ADGRV1: variants seen among roughly 807,000 people sequenced by gnomAD.
ADGRV1 encodes the protein G-protein coupled receptor 98.
A neutral mutation model predicts 596.2 loss-of-function variants in ADGRV1; 359 were observed. The ratio of observed to expected loss-of-function variants is 0.60; its 90% confidence interval spans 0.55 to 0.66. ADGRV1 has a LOEUF of 0.66. ADGRV1 is among the 30% of genes least tolerant of loss of function. The probability of loss-of-function intolerance (pLI) is 0.00; values close to 1 mark genes in which losing one functional copy is unlikely to be tolerated. For synonymous variants in ADGRV1, 2,681 were observed against 2,679.2 expected (o/e 1.00, Z -0.02); for missense variants, 7,274 against 7,575.6 (o/e 0.96, Z 1.48).
chr5:90,979,067 TA>T (rs1363111255), intron 84 of ADGRV1, among the ~76,000 whole-genome samples: 18 of 151,852 alleles, frequency 1.2e-4, no homozygotes, highest in African/African-American at 4.3e-4. Context: ...CTTCTACAAG[TA>T]AAACATATCT....
At chr5:90,947,740 G>A (rs1012977644) in intron 83 of ADGRV1, among the ~76,000 whole-genome samples, 1 of 152,080 alleles carries the variant, frequency 6.6e-6, no homozygotes, top group African/African-American at 2.4e-5. Flanking sequence ...TCAAACAAAG[G>A]TATGTTTATC....
chr5:91,072,546 G>C lies in ADGRV1; in HGVS notation c.18252G>C (p.Gln6084His), dbSNP rs1788481354. The C allele has an allele frequency of 1.2e-6, 2 of 1,613,736 alleles. No homozygotes were observed. The highest frequency in any genetic ancestry group is 2.2e-5 in the East Asian group (1 of 44,898). The change falls in exon 86 of 90, where the codon CAG becomes CAC. Residue 6084 changes from glutamine to histidine, a missense_variant. Transcript: ENST00000405460. Reference sequence around the variant, plus strand: ...TCGTGGTGTTCATCCATGCCTACCAGGTGAAGCCACAGTGGAAAGCATATG... The same window carrying C: ...TCGTGGTGTTCATCCATGCCTACCACGTGAAGCCACAGTGGAAAGCATATG... The part of the protein sequence containing the change: ...VVFVVFIHAY[Q>H]VKPQWKAYDD...
chr5:91,144,862 C>T (rs1249154270), intron 87 of ADGRV1, among the ~76,000 whole-genome samples: 2 of 152,174 alleles, frequency 1.3e-5, no homozygotes, highest in Admixed American at 6.5e-5. Flanking sequence ...TGCCAATGCA[C>T]GTAGTGGGTG....
chr5:90,855,856 T>TC lies in ADGRV1; in HGVS notation c.17711dup (p.Tyr5905IlefsTer3). ...CTATGCTCGGACTGACAACTTGTCT[T>TC]CATACAATGAAGCCTTCTTCACTTC... On this transcript the variant is annotated frameshift_variant, in exon 82 of 90. Transcript: ENST00000405460. LOFTEE classifies it high-confidence loss of function. The TC allele has an allele frequency of 6.2e-7, 1 of 1,613,332 alleles. No individual in the cohort carries two copies. The highest frequency in any genetic ancestry group is 8.5e-7 in the Non-Finnish European group (1 of 1,179,368).
At chr5:90,721,657 G>A (rs1359836269) in intron 45 of ADGRV1, among the ~76,000 whole-genome samples, 3 of 151,578 alleles carry the variant, frequency 2.0e-5, no homozygotes, top group Non-Finnish European at 4.4e-5. Context: ...GGGGATGGGG[G>A]TGACAGAAAT....
At chr5:90,665,323 C>T (rs1326927289) in intron 21 of ADGRV1, among the ~76,000 whole-genome samples, 2 of 151,912 alleles carry the variant, frequency 1.3e-5, no homozygotes, top group East Asian at 3.9e-4. Flanking sequence ...GATTCAACTT[C>T]TTCCTGGTTT....
intron 50 of ADGRV1, among the ~76,000 whole-genome samples, chr5:90,734,641 A>T (rs909741096): frequency 3.8e-5 from 5 of 132,572 alleles, no homozygotes; most frequent in African/African-American, 1.5e-4. Context: ...GCTAGAGTGC[A>T]GTGGTGCAAT....
intron 26 of ADGRV1, 66 bp downstream of exon 26, chr5:90,679,695 A>G (rs1744689013): frequency 9.5e-7 from 1 of 1,050,880 alleles, no homozygotes; most frequent in Non-Finnish European, 1.4e-6. Flanking sequence ...TTTTAGAGAC[A>G]ATACTAACCA....
intron 1 of ADGRV1, among the ~76,000 whole-genome samples, chr5:90,608,693 A>C (rs1762390836): frequency 6.6e-6 from 1 of 152,130 alleles, no homozygotes; most frequent in East Asian, 1.9e-4. Context: ...CCATCAAAAC[A>C]AGGGAATAAA....
intron 27 of ADGRV1, among the ~76,000 whole-genome samples, chr5:90,681,716 T>C (rs182375776): frequency 4.6e-5 from 7 of 152,272 alleles, no homozygotes; most frequent in Non-Finnish European, 5.9e-5. Context: ...CAAGTATTTA[T>C]CTTACATAGA....
chr5:91,071,440 T>G (rs1157413026), intron 85 of ADGRV1, among the ~76,000 whole-genome samples: 3 of 152,014 alleles, frequency 2.0e-5, no homozygotes, highest in Non-Finnish European at 4.4e-5. Context: ...ACTAGATCAG[T>G]GGTTCCCAAA....
intron 1 of ADGRV1, among the ~76,000 whole-genome samples, chr5:90,577,923 T>C (rs1274981557): frequency 2.0e-5 from 3 of 151,968 alleles, no homozygotes; most frequent in Non-Finnish European, 4.4e-5. Context: ...CTGTCTATTA[T>C]TGGTGTATGG....
chr5:90,625,026 A>G (rs570506270), intron 5 of ADGRV1, 104 bp from the exon 6 acceptor site: 9 of 675,718 alleles, frequency 1.3e-5, no homozygotes, highest in African/African-American at 3.6e-5. Flanking sequence ...TTCTTGCAGA[A>G]CATCTTTAAA....
At chr5:91,025,471 A>G (rs2697546) in intron 85 of ADGRV1, among the ~76,000 whole-genome samples, 97,863 of 152,016 alleles carry the variant, frequency 0.64, 31,725 homozygotes, top group South Asian at 0.68. Flanking sequence ...ACCTTTGTGG[A>G]CATAGAGGTT....
At chr5:90,875,788 A>G (rs1769166073) in intron 83 of ADGRV1, among the ~76,000 whole-genome samples, 1 of 152,222 alleles carries the variant, frequency 6.6e-6, no homozygotes, top group African/African-American at 2.4e-5. Flanking sequence ...GGAGTACAGA[A>G]AAAGTTTTCC....
At chr5:90,708,938 T>C (rs774700419) in intron 39 of ADGRV1, 29 bp downstream of exon 39, 13 of 1,441,650 alleles carry the variant, frequency 9.0e-6, no homozygotes, top group Non-Finnish European at 1.2e-5. Context: ...TTGTTTCTTT[T>C]TGCTCACTTC....
rs769018707 is a variant in ADGRV1 at position 90,985,535 on chromosome 5, A to T, written c.18152+13A>T. The T allele has an allele frequency of 1.2e-6, 2 of 1,603,096 alleles. No homozygotes were observed. Among genetic ancestry groups the T allele is most frequent in the Non-Finnish European group, 1.7e-6 (2 of 1,170,592 alleles). ...TTCATGGTGACCTGTAAGTACACCC[A>T]GGCAACACATTGCCCTAGCTTTCAT... On this transcript the variant is annotated intron_variant, in intron 85 of 89. Transcript: ENST00000405460.
At position 90,609,303 on chromosome 5, in the gene ADGRV1, A is replaced by T. The variant is rs534622412; in HGVS notation, c.23-5532A>T. On this transcript the variant is annotated intron_variant, in intron 1 of 89. Transcript: ENST00000405460. ...ATTATGCCACATGCATATATAAGTT[A>T]TTTAAAGATGAATAAAATAAAATGT... Among the ~76,000 whole-genome samples, 4 of 152,018 alleles carry T rather than the reference A, an allele frequency of 2.6e-5. No homozygotes were observed. In the East Asian group the frequency reaches 7.7e-4, roughly 29 times the overall value.
intron 85 of ADGRV1, among the ~76,000 whole-genome samples, chr5:90,986,891 C>T (rs1478361687): frequency 6.6e-6 from 1 of 152,120 alleles, no homozygotes; most frequent in African/African-American, 2.4e-5. Context: ...GCAGATCATT[C>T]TTTTCATGAG....
Sources: gnomAD v4.1 joint callset for allele counts (sites outside exome capture counted in the v4.1 genomes callset) on GRCh38, gnomAD v4.1.1 for gene constraint, MANE v1.5 for transcripts, NCBI Gene and HGNC (gene_info 2026-07-23, HGNC 2026-07-21) for gene names.